Variants in MAP2K2 observed in about 807,000 individuals in gnomAD.
MAP2K2 encodes dual specificity mitogen-activated protein kinase kinase 2.
Under a neutral mutation model 43.7 loss-of-function variants are expected in MAP2K2, and 24 were observed. That is an observed-to-expected ratio of 0.55 (90% CI 0.40 to 0.77). The LOEUF is 0.77. Ranked by LOEUF, MAP2K2 falls within the 30% of genes least tolerant of loss-of-function variation. The pLI is 0.00. For missense variants in MAP2K2, 470 were observed against 566.8 expected (o/e 0.83, Z 1.73); for synonymous variants, 244 against 239.7 (o/e 1.02, Z -0.17).
At position 4,123,902 on chromosome 19, in the gene MAP2K2, G is replaced by A. The variant is rs1472818233; in HGVS notation, c.-27C>T. On this transcript the variant is annotated 5_prime_UTR_variant, in exon 1 of 11. Transcript: ENST00000262948. ...GGGGCTCCGCGGGCCGGCGGCGGCG[G>A]CGCCTCTAGCCGGGGCCCATAGGGG... is the stretch of plus-strand genomic sequence containing the variant. 5.1e-6 allele frequency: 7 copies of A among 1,362,704 alleles called. No homozygotes were observed. Among genetic ancestry groups the A allele is most frequent in the East Asian group, 3.1e-5 (1 of 32,104 alleles). The allele number at this position is 1,362,704 out of a possible 1,614,324, so 84.4% of individuals were successfully genotyped here.
intron 7 of MAP2K2, among the ~76,000 whole-genome samples, chr19:4,098,742 C>T (rs966415387): frequency 4.6e-5 from 7 of 152,216 alleles, no homozygotes; most frequent in African/African-American, 1.2e-4. Flanking sequence ...GTGTTGGGGC[C>T]GGAGCCAACA....
intron 1 of MAP2K2, among the ~76,000 whole-genome samples, chr19:4,120,604 A>T (rs1231649278): frequency 7.9e-5 from 12 of 152,234 alleles, no homozygotes; most frequent in Non-Finnish European, 1.5e-5. Context: ...GGCGTGAGCC[A>T]CCACACCCAG....
Position 4,123,786 on chromosome 19 carries a change from G to T in MAP2K2, c.90C>A (p.Ser30=), listed in dbSNP as rs2145089709. Residue 30 remains serine (S), a splice_region_variant and synonymous_variant, in exon 1 of 11, where the codon TCC becomes TCA. Coordinates refer to ENST00000262948, the MANE Select transcript of MAP2K2 (RefSeq NM_030662.4). Reference sequence around the variant, plus strand: ...CCGGCTGACCCCTGCCCACTCACTCGGAGGCGCCCTCGCTGGTAGGGGATG... The same window carrying T: ...CCGGCTGACCCCTGCCCACTCACTCTGAGGCGCCCTCGCTGGTAGGGGATG... ...EGPSPTSEGA[S]EANLVDLQKK... 1.3e-6 allele frequency: 2 copies of T among 1,552,674 alleles called. No individual in the cohort carries two copies. Among genetic ancestry groups the T allele is most frequent in the East Asian group, 2.5e-5 (1 of 40,510 alleles).
At chr19:4,111,908 G>A (rs575294680) in intron 2 of MAP2K2, among the ~76,000 whole-genome samples, 1 of 152,018 alleles carries the variant, frequency 6.6e-6, no homozygotes, top group South Asian at 2.1e-4. Context: ...AGCCGAGATC[G>A]CACCATTGCA....
chr19:4,094,459 C>T lies in MAP2K2; in HGVS notation c.1086G>A (p.Met362Ile). ...ACCCGCTGGCATCACTCACTGTGAG[C>T]ATCTTCAGGTCCGCCCGCTCCGCTG... ...KNPAERADLK[M>I]LTNHTFIKRS... Residue 362 changes from methionine to isoleucine, a missense_variant, in exon 10 of 11, where the codon ATG becomes ATA. By Grantham distance (10) the Met-to-Ile change is conservative (BLOSUM62 1). Transcript: ENST00000262948. The T allele has an allele frequency of 3.2e-6, 5 of 1,564,946 alleles. No individual in the cohort carries two copies. Among genetic ancestry groups the T allele is most frequent in the South Asian group, 1.2e-5 (1 of 85,076 alleles).
In MAP2K2 at chr19:4,099,379, C is replaced by T. The variant is rs2040968312; in HGVS notation, c.741G>A (p.Gln247=). 4.3e-6 allele frequency: 7 copies of T among 1,611,484 alleles called. No homozygotes were observed. Among genetic ancestry groups the T allele is most frequent in the Non-Finnish European group, 5.9e-6 (7 of 1,179,266 alleles). Residue 247 remains glutamine, a synonymous_variant, in exon 7 of 11, where the codon CAG becomes CAA. Transcript: ENST00000262948. ...ERLQGTHYSV[Q]SDIWSMGLSL... ...ACAGGCCCATGCTCCAGATGTCCGA[C>T]TGCACCGAGTAATGTGTGCCCTGCA...
At chr19:4,121,647 C>A (rs1284546949) in intron 1 of MAP2K2, among the ~76,000 whole-genome samples, 1 of 99,250 alleles carries the variant, frequency 1.0e-5, no homozygotes, top group Non-Finnish European at 2.1e-5. Context: ...CCAACCTGAC[C>A]CCCCCCACAA....
At chr19:4,100,691 A>C in intron 6 of MAP2K2, 1 of 424,942 alleles carries the variant, frequency 2.4e-6, no homozygotes, top group Non-Finnish European at 4.3e-6. Context: ...ATAAAGAGCA[A>C]GGGGAATCCG....
rs774150288 is a variant in MAP2K2, at chr19:4,102,604, G to A, written c.451-151C>T. 121 of 887,796 alleles carry A rather than the reference G, an allele frequency of 1.4e-4. 1 individual carries two copies. Among genetic ancestry groups the A allele is most frequent in the Middle Eastern group, 2.9e-4 (1 of 3,488 alleles). The allele number at this position is 887,796 out of a possible 1,614,324, so 55.0% of individuals were successfully genotyped here. A position where few individuals can be genotyped will look rare whatever the true frequency, so the allele number is the denominator to read the frequency against. ...TCCACCCACGGGCCAAGGGCAGGGC[G>A]TCTTCTGACAGTTCTGCCTTTGGGT... is the stretch of plus-strand genomic sequence containing the variant. On this transcript the variant is annotated intron_variant, in intron 3 of 10. Transcript: ENST00000262948.
At chr19:4,123,305 A>C (rs1161096198) in intron 1 of MAP2K2, among the ~76,000 whole-genome samples, 1 of 144,622 alleles carries the variant, frequency 6.9e-6, no homozygotes, top group African/African-American at 2.6e-5. Flanking sequence ...CAGAAGCCCC[A>C]CACCCCATCT....
At chr19:4,096,741 A>G (rs1226727278) in intron 8 of MAP2K2, among the ~76,000 whole-genome samples, 1 of 152,166 alleles carries the variant, frequency 6.6e-6, no homozygotes, top group African/African-American at 2.4e-5. Context: ...GCTCTGATGC[A>G]GAGACACTGG....
At chr19:4,123,554 C>CCCCCTGCCCCGTCCTCCCCGGAGGGT in intron 1 of MAP2K2, among the ~76,000 whole-genome samples, 1 of 56,846 alleles carries the variant, frequency 1.8e-5, no homozygotes, top group Non-Finnish European at 3.2e-5. Flanking sequence ...CCTCCGAGGG[C>CCCCCTGCCCCGTCCTCCCCGGAGGGT]CCCCTGCCCC....
At chr19:4,093,221 C>A (rs531800317) in intron 10 of MAP2K2, among the ~76,000 whole-genome samples, 1 of 150,788 alleles carries the variant, frequency 6.6e-6, no homozygotes, top group Non-Finnish European at 1.5e-5. Context: ...TTCATCTTTG[C>A]GGGGAAAAAC....
At chr19:4,100,429 C>CAAAAAAAAAAAAAAAAA (rs564673420) in intron 6 of MAP2K2, 1 of 53,846 alleles carries the variant, frequency 1.9e-5, no homozygotes, top group Non-Finnish European at 3.1e-5. Context: ...GACTCTGTCT[C>CAAAAAAAAAAAAAAAAA]AAAAAAAAAA....
chr19:4,102,697 C>G, intron 3 of MAP2K2: 1 of 1,178,700 alleles, frequency 8.5e-7, no homozygotes, highest in Non-Finnish European at 1.2e-6. Flanking sequence ...GTCCCATCCT[C>G]GAATCAGTTG....
At chr19:4,099,134 C>A in intron 7 of MAP2K2, 67 bp downstream of exon 7, 1 of 1,405,866 alleles carries the variant, frequency 7.1e-7, no homozygotes, top group South Asian at 1.2e-5. Context: ...AGCTGCTGAC[C>A]CTGGCACAGC....
In MAP2K2 at chr19:4,108,729, C is replaced by T. The variant is rs571894595; in HGVS notation, c.450+1780G>A. On this transcript the variant is annotated intron_variant, in intron 3 of 10. Transcript: ENST00000262948. ...GGCGGGTTGCCACACTGTCCCCTTT[C>T]TGCATGGGAGGAAGGGGGCTCGAGA... Among the ~76,000 whole-genome samples, 170 of 152,212 alleles carry T rather than the reference C, an allele frequency of 1.1e-3. 1 individual carries two copies. The highest frequency in any genetic ancestry group is 1.9e-3 in the Non-Finnish European group (132 of 68,006).
chr19:4,122,819 C>T (rs1026817614), intron 1 of MAP2K2, among the ~76,000 whole-genome samples: 2 of 151,790 alleles, frequency 1.3e-5, no homozygotes, highest in Non-Finnish European at 2.9e-5. Flanking sequence ...TCAGTGACTC[C>T]ATGCCCTGTC....
At chr19:4,095,246 G>A in intron 9 of MAP2K2, 142 bp downstream of exon 9, 1 of 698,424 alleles carries the variant, frequency 1.4e-6, no homozygotes, top group African/African-American at 1.8e-5. Context: ...AAAGGAATCT[G>A]GCTTCCCGTT....
Sources: allele counts gnomAD v4.1 joint callset (sites outside exome capture counted in the v4.1 genomes callset), GRCh38; gene constraint gnomAD v4.1.1; transcripts MANE v1.5; gene names NCBI Gene and HGNC (gene_info 2026-07-23, HGNC 2026-07-21).